The following EYA2 variants were observed in gnomAD, a reference collection of about 807,000 sequenced individuals.
EYA2 encodes EYA transcriptional coactivator and phosphatase 2, also known as protein phosphatase EYA2.
Under a neutral mutation model 69.2 loss-of-function variants are expected in EYA2, and 31 were observed. That is an observed-to-expected ratio of 0.45 (90% CI 0.34 to 0.60). The LOEUF is 0.60. Ranked by LOEUF, EYA2 falls within the 20% of genes least tolerant of loss-of-function variation. The pLI is 0.02. For synonymous variants in EYA2, 257 were observed against 279.4 expected (o/e 0.92, Z 0.80); for missense variants, 622 against 701.2 (o/e 0.89, Z 1.28).
intron 12 of EYA2, among the ~76,000 whole-genome samples, 160 bp downstream of exon 12, chr20:47,173,027 G>A (rs1406956512): frequency 1.3e-5 from 2 of 152,120 alleles, no homozygotes; most frequent in East Asian, 3.9e-4. Context: ...AGAGCACTGG[G>A]ATTTTGTCAC....
intron 9 of EYA2, among the ~76,000 whole-genome samples, chr20:47,132,598 G>A (rs1354415650): frequency 6.6e-6 from 1 of 152,214 alleles, no homozygotes; most frequent in African/African-American, 2.4e-5. Context: ...TGTACCTGGG[G>A]AATGGCAGTC....
At chr20:47,045,316 C>T (rs1260455773) in intron 5 of EYA2, among the ~76,000 whole-genome samples, 1 of 152,138 alleles carries the variant, frequency 6.6e-6, no homozygotes, top group Non-Finnish European at 1.5e-5. Context: ...CCAGCTTCCT[C>T]ATAGCATAGT....
At chr20:46,999,789 C>G (rs1982243941) in intron 2 of EYA2, among the ~76,000 whole-genome samples, 2 of 152,206 alleles carry the variant, frequency 1.3e-5, no homozygotes, top group Non-Finnish European at 2.9e-5. Context: ...TCCCAGTTCC[C>G]TTGCCCACGG....
chr20:46,987,565 T>C (rs1182797314), intron 1 of EYA2, among the ~76,000 whole-genome samples: 1 of 152,192 alleles, frequency 6.6e-6, no homozygotes, highest in Non-Finnish European at 1.5e-5. Context: ...TTTTGTGGAA[T>C]GCATCTGTGT....
chr20:47,098,295 A>T lies in EYA2; in HGVS notation c.888+1127A>T, dbSNP rs16992334. On this transcript the variant is annotated intron_variant, in intron 9 of 15. Coordinates refer to ENST00000327619, the MANE Select transcript of EYA2 (RefSeq NM_005244.5). Reference sequence around the variant, plus strand: ...TCAAGAGCTGCTGAAAACACTGAAGAATGGGCTCCACAGCCATTGCAAAAA... The same window carrying T: ...TCAAGAGCTGCTGAAAACACTGAAGTATGGGCTCCACAGCCATTGCAAAAA... 3.7e-3 allele frequency among the ~76,000 whole-genome samples: 569 copies of T among 152,312 alleles called. 4 individuals carry two copies. Among genetic ancestry groups the T allele is most frequent in the African/African-American group, 0.013 (551 of 41,566 alleles).
intron 1 of EYA2, among the ~76,000 whole-genome samples, chr20:46,921,597 G>A (rs1276067419): frequency 6.6e-6 from 1 of 152,198 alleles, no homozygotes; most frequent in Admixed American, 6.5e-5. Context: ...GTTGAATGGG[G>A]CCCAATTCTG....
intron 14 of EYA2, among the ~76,000 whole-genome samples, chr20:47,182,714 T>C (rs1029978806): frequency 2.0e-5 from 3 of 149,530 alleles, no homozygotes; most frequent in African/African-American, 7.4e-5. Flanking sequence ...GGTGAGCAGA[T>C]CACTTGAGGC....
At chr20:47,064,785 C>T (rs185643035) in intron 5 of EYA2, among the ~76,000 whole-genome samples, 3 of 152,286 alleles carry the variant, frequency 2.0e-5, no homozygotes, top group African/African-American at 7.2e-5. Flanking sequence ...CAATGCCCAC[C>T]TTAGAGAGTA....
At chr20:46,910,062 G>T (rs55840530) in intron 1 of EYA2, among the ~76,000 whole-genome samples, 11,134 of 152,202 alleles carry the variant, frequency 0.073, 574 homozygotes, top group Non-Finnish European at 0.11. Flanking sequence ...CATCTTAAGG[G>T]TGGGTCATCT....
chr20:47,074,081 A>G, intron 6 of EYA2, 77 bp from the exon 7 acceptor site: 4 of 1,349,092 alleles, frequency 3.0e-6, no homozygotes, highest in Non-Finnish European at 4.0e-6. Context: ...GGTGAGACAG[A>G]GTGGCCAGGC....
intron 1 of EYA2, among the ~76,000 whole-genome samples, chr20:46,942,227 A>G (rs1986183994): frequency 6.6e-6 from 1 of 151,550 alleles, no homozygotes; most frequent in African/African-American, 2.4e-5. Context: ...TTTTTTCTTT[A>G]GACAAAGTCT....
chr20:46,977,296 A>G (rs968539101), intron 1 of EYA2, among the ~76,000 whole-genome samples: 11 of 152,230 alleles, frequency 7.2e-5, no homozygotes, highest in Non-Finnish European at 1.5e-4. Flanking sequence ...ATATTTTTAG[A>G]TGTTATTTGG....
chr20:46,905,019 G>T (rs1221693182), intron 1 of EYA2, among the ~76,000 whole-genome samples: 1 of 152,078 alleles, frequency 6.6e-6, no homozygotes, highest in Non-Finnish European at 1.5e-5. Flanking sequence ...AATGAAACTT[G>T]CCCTGAGTTC....
intron 10 of EYA2, among the ~76,000 whole-genome samples, chr20:47,156,089 TACACACACACACACACAC>T (rs748282079): frequency 1.6e-4 from 5 of 30,970 alleles, no homozygotes; most frequent in African/African-American, 4.1e-4. Flanking sequence ...TATATATACA[TACACACACACACACACAC>T]ACACACACAC....
chr20:47,090,558 G>A (rs913285167), intron 8 of EYA2, among the ~76,000 whole-genome samples: 1 of 151,362 alleles, frequency 6.6e-6, no homozygotes, highest in African/African-American at 2.4e-5. Context: ...TTTTAATCAG[G>A]TATACATGAG....
chr20:47,121,481 G>A (rs1199146666), intron 9 of EYA2, among the ~76,000 whole-genome samples: 4 of 152,044 alleles, frequency 2.6e-5, no homozygotes, highest in Non-Finnish European at 5.9e-5. Flanking sequence ...CATTTCATTC[G>A]TTGTCAAATT....
chr20:47,056,235 C>G (rs962194131), intron 5 of EYA2, among the ~76,000 whole-genome samples: 1 of 152,180 alleles, frequency 6.6e-6, no homozygotes. Flanking sequence ...GTGAGAAGGA[C>G]TTGACGACTC....
At position 46,989,983 on chromosome 20, in the gene EYA2, C is replaced by A; in HGVS notation, c.-10-18C>A. 2 of 1,195,994 alleles carry A rather than the reference C, an allele frequency of 1.7e-6. No homozygotes were observed. Among genetic ancestry groups the A allele is most frequent in the Non-Finnish European group, 2.5e-6 (2 of 800,120 alleles). 74.1% of individuals were successfully genotyped at this position (1,195,994 alleles called of 1,614,324 possible). On this transcript the variant is annotated intron_variant, in intron 1 of 15. Coordinates refer to ENST00000327619, the MANE Select transcript of EYA2 (RefSeq NM_005244.5). Reference sequence around the variant, plus strand: ...CATAATTAATGAATAAATTATATTTCCCTTTGTTTTCTTTCAGGTACAAGG... The same window carrying A: ...CATAATTAATGAATAAATTATATTTACCTTTGTTTTCTTTCAGGTACAAGG...
At chr20:47,129,403 AC>A (rs890613643) in intron 9 of EYA2, among the ~76,000 whole-genome samples, 11 of 152,182 alleles carry the variant, frequency 7.2e-5, no homozygotes, top group African/African-American at 2.7e-4. Context: ...ATGGAATGTT[AC>A]AAAGGATCCA....
Sources: gnomAD v4.1 joint callset for allele counts (sites outside exome capture counted in the v4.1 genomes callset) on GRCh38, gnomAD v4.1.1 for gene constraint, MANE v1.5 for transcripts, NCBI Gene and HGNC (gene_info 2026-07-23, HGNC 2026-07-21) for gene names.